The following SORCS2 variants were observed in gnomAD, a reference collection of about 807,000 sequenced individuals.
SORCS2 encodes VPS10 domain-containing receptor SorCS2.
A neutral mutation model predicts 141.6 loss-of-function variants in SORCS2; 100 were observed. The ratio of observed to expected loss-of-function variants is 0.71; its 90% CI spans 0.60 to 0.83. The LOEUF (loss-of-function observed/expected upper bound fraction) is 0.83, where lower values mean the gene tolerates loss of function less well. Among genes scored for constraint, SORCS2 ranks in the 40% least tolerant of loss-of-function variants. The pLI is 0.00. For missense variants in SORCS2, 1,646 were observed against 1,560.2 expected, an observed-to-expected ratio of 1.05 and a Z score of -0.93; for synonymous variants, 789 against 676.9, an observed-to-expected ratio of 1.17 and a Z score of -2.57.
Position 7,336,196 on chromosome 4 carries a change from G to A in SORCS2, c.481-60092G>A, listed in dbSNP as rs1384113140. ...GCTGCCCCTGCCCTGCGTCCTGGTC[G>A]ATTGCTCGTGGTGGAGATGGCCCCT... is the stretch of plus-strand genomic sequence containing the variant. On this transcript the variant is annotated intron_variant, in intron 1 of 26. Transcript: ENST00000507866. Among the ~76,000 whole-genome samples, 4 of 152,210 alleles carry A rather than the reference G, an allele frequency of 2.6e-5. No homozygotes were observed. In the East Asian group the frequency reaches 5.8e-4, roughly 22 times the overall value.
chr4:7,595,336 C>T (rs1717193917), intron 3 of SORCS2, among the ~76,000 whole-genome samples: 1 of 152,170 alleles, frequency 6.6e-6, no homozygotes, highest in Admixed American at 6.5e-5. Flanking sequence ...ACCCCCTCAT[C>T]TAGGGGGTTT....
At chr4:7,510,078 C>T (rs1405566717) in intron 2 of SORCS2, among the ~76,000 whole-genome samples, 2 of 152,220 alleles carry the variant, frequency 1.3e-5, no homozygotes, top group South Asian at 2.1e-4. Context: ...TTATTTGCCT[C>T]GTTAGAATGG....
chr4:7,211,443 G>A (rs896475639), intron 1 of SORCS2, among the ~76,000 whole-genome samples: 19 of 152,194 alleles, frequency 1.2e-4, no homozygotes, highest in African/African-American at 4.3e-4. Context: ...AGGCTGGAGT[G>A]CAGTGGCGCG....
intron 1 of SORCS2, among the ~76,000 whole-genome samples, chr4:7,238,401 A>G (rs1712445249): frequency 6.6e-6 from 1 of 152,122 alleles, no homozygotes; most frequent in African/African-American, 2.4e-5. Context: ...TTTAAGGTAT[A>G]GCAGCCATGC....
intron 1 of SORCS2, among the ~76,000 whole-genome samples, chr4:7,246,670 T>C (rs1048761724): frequency 1.3e-5 from 2 of 152,188 alleles, no homozygotes; most frequent in African/African-American, 4.8e-5. Context: ...GGAGCAGTGA[T>C]GGGAAGAGCC....
chr4:7,309,881 C>G (rs1017116140), intron 1 of SORCS2, among the ~76,000 whole-genome samples: 6 of 152,212 alleles, frequency 3.9e-5, no homozygotes, highest in African/African-American at 1.4e-4. Context: ...GCTGGATGTT[C>G]TGCGAGCTTA....
In SORCS2 at chr4:7,192,946, C is replaced by A; in HGVS notation, c.300C>A (p.Pro100=). The change falls in exon 1 of 27, where the codon CCC becomes CCA. Residue 100 remains proline (P), a synonymous_variant. Transcript: ENST00000507866. The surrounding 1 kb of genome is among the most constrained non-coding windows in gnomAD (Gnocchi z 4.0). The part of the protein sequence containing the change: ...EPGAPGPSPG[P]APGPGEDGAP... ...GCGCCCCGGGTCCGAGTCCCGGTCCCGCTCCTGGTCCCGGCGAGGACGGCG... is the reference window on the plus strand; with the variant it reads ...GCGCCCCGGGTCCGAGTCCCGGTCCAGCTCCTGGTCCCGGCGAGGACGGCG... 1 of 1,314,944 alleles carries A rather than the reference C, an allele frequency of 7.6e-7. No homozygotes were observed. The highest frequency in any genetic ancestry group is 1.6e-5 in the African/African-American group (1 of 64,388). 81.5% of individuals were successfully genotyped at this position (1,314,944 alleles called of 1,614,324 possible). A position where few individuals can be genotyped will look rare whatever the true frequency, so the allele number is the denominator to read the frequency against.
At chr4:7,414,119 A>T (rs115559131) in intron 2 of SORCS2, among the ~76,000 whole-genome samples, 5,128 of 152,322 alleles carry the variant, frequency 0.034, 145 homozygotes, top group Non-Finnish European at 0.048. Flanking sequence ...TACGCTTGCT[A>T]TTCTGTAAAT....
intron 2 of SORCS2, among the ~76,000 whole-genome samples, chr4:7,495,877 C>G (rs1472848318): frequency 3.9e-5 from 6 of 152,216 alleles, no homozygotes; most frequent in Non-Finnish European, 7.3e-5. Context: ...AGCTGAGGCC[C>G]AGGGTGCCTG....
chr4:7,682,690 T>C, intron 9 of SORCS2, 53 bp from the exon 10 acceptor site: 1 of 1,545,916 alleles, frequency 6.5e-7, no homozygotes. Flanking sequence ...GGATACTTGG[T>C]CATCAGAGTG....
At chr4:7,267,198 G>C (rs1714800377) in intron 1 of SORCS2, among the ~76,000 whole-genome samples, 1 of 152,182 alleles carries the variant, frequency 6.6e-6, no homozygotes, top group Non-Finnish European at 1.5e-5. Context: ...AGATGAGTAG[G>C]CATCTTCCTT....
intron 4 of SORCS2, among the ~76,000 whole-genome samples, chr4:7,650,814 A>T (rs1721401118): frequency 6.7e-6 from 1 of 149,082 alleles, no homozygotes; most frequent in Non-Finnish European, 1.5e-5. Context: ...AGGCGGCGCC[A>T]GCGACCTCTC....
At chr4:7,307,410 C>T (rs1429097033) in intron 1 of SORCS2, among the ~76,000 whole-genome samples, 2 of 152,238 alleles carry the variant, frequency 1.3e-5, no homozygotes, top group Non-Finnish European at 2.9e-5. Flanking sequence ...CCTACCATTG[C>T]TGTGGTCCAT....
At chr4:7,513,073 G>A (rs1732761278) in intron 2 of SORCS2, among the ~76,000 whole-genome samples, 1 of 149,908 alleles carries the variant, frequency 6.7e-6, no homozygotes, top group Non-Finnish European at 1.5e-5. Context: ...GAGGGTCGCA[G>A]CCTGAAGAAT....
chr4:7,554,508 C>T (rs1389935565), intron 3 of SORCS2, among the ~76,000 whole-genome samples: 3 of 152,152 alleles, frequency 2.0e-5, no homozygotes, highest in Non-Finnish European at 4.4e-5. Flanking sequence ...CCCTATGAGA[C>T]AGTCCTGGTG....
chr4:7,580,967 T>C (rs1379533175), intron 3 of SORCS2, among the ~76,000 whole-genome samples: 3 of 152,176 alleles, frequency 2.0e-5, no homozygotes, highest in African/African-American at 7.2e-5. Flanking sequence ...CTTTGTTTTA[T>C]ATACATTTTC....
At chr4:7,245,538 T>C (rs1196902724) in intron 1 of SORCS2, among the ~76,000 whole-genome samples, 2 of 152,256 alleles carry the variant, frequency 1.3e-5, no homozygotes. Context: ...GGATGATTCC[T>C]CAGGGTCTTT....
chr4:7,544,514 G>C (rs548378214), intron 3 of SORCS2, among the ~76,000 whole-genome samples: 2 of 152,200 alleles, frequency 1.3e-5, no homozygotes, highest in Non-Finnish European at 2.9e-5. Flanking sequence ...GGCTCAGGGC[G>C]GCCAGCAGGA....
chr4:7,434,985 C>T, intron 2 of SORCS2: 1 of 1,352,632 alleles, frequency 7.4e-7, no homozygotes. Flanking sequence ...GGCCCCACCT[C>T]CTGGCCACTC....
Sources: allele counts gnomAD v4.1 joint callset (sites outside exome capture counted in the v4.1 genomes callset), GRCh38; gene constraint gnomAD v4.1.1; non-coding constraint Gnocchi (gnomAD v3.1); transcripts MANE v1.5; gene names NCBI Gene and HGNC (gene_info 2026-07-23, HGNC 2026-07-21).